GFPT2: variants seen among roughly 807,000 people sequenced by gnomAD.
GFPT2 encodes the protein glutamine--fructose-6-phosphate transaminase 2.
Under a neutral mutation model 85.6 loss-of-function variants are expected in GFPT2, and 62 were observed. The ratio of observed to expected loss-of-function variants is 0.72; its 90% CI spans 0.59 to 0.90. The LOEUF (loss-of-function observed/expected upper bound fraction) is 0.90. GFPT2 is among the 40% of genes least tolerant of loss of function. GFPT2 has a pLI of 0.00. For synonymous variants in GFPT2, 368 were observed against 344.5 expected (o/e 1.07, Z -0.75); for missense variants, 788 against 893.4 (o/e 0.88, Z 1.50).
In GFPT2 at chr5:180,318,268, T is replaced by C. The variant is rs947806561; in HGVS notation, c.958+525A>G. On this transcript the variant is annotated intron_variant, in intron 10 of 18. Transcript: ENST00000253778. This position sits in a 1 kb window ranked among gnomAD's most constrained non-coding sequence, Gnocchi z 4.2. ...GTGGGCTGTGGCAGGGAGTTTGGAT[T>C]TTATTCTAAGAACAGTAGGAAACCA... is the stretch of plus-strand genomic sequence containing the variant. 1.3e-5 allele frequency among the ~76,000 whole-genome samples: 2 copies of C among 151,884 alleles called. No individual in the cohort carries two copies. Among genetic ancestry groups the C allele is most frequent in the Non-Finnish European group, 2.9e-5 (2 of 67,968 alleles).
rs1443457163 is a variant in GFPT2, at chr5:180,353,274, G to GGGGCTCCTCCGT, written c.-69_-58dup. On this transcript the variant is annotated 5_prime_UTR_variant, in exon 1 of 19. Coordinates refer to ENST00000253778, the MANE Select transcript of GFPT2 (RefSeq NM_005110.4). The stretch of plus-strand genomic sequence containing the variant: ...GAGGGGGTCTGCCCGTTCGGACGCT[G>GGGGCTCCTCCGT]GGGCTCCTCCGTGGGCTCCTCCGTG... 1,368 of 1,231,700 alleles carry GGGGCTCCTCCGT rather than the reference G, an allele frequency of 1.1e-3. 34 individuals are homozygous for GGGGCTCCTCCGT. The East Asian group carries it at 0.035, about 32-fold the overall frequency. The allele number at this position is 1,231,700 out of a possible 1,614,324, so 76.3% of individuals were successfully genotyped here.
rs547812857 is a variant in GFPT2, at chr5:180,335,886, G to A, written c.282C>T (p.Ala94=). 1.9e-5 allele frequency: 30 copies of A among 1,584,182 alleles called. No individual in the cohort carries two copies. In the South Asian group the frequency reaches 3.0e-4, roughly 16 times the overall value. Residue 94 remains alanine, a synonymous_variant, in exon 4 of 19, where the codon GCC becomes GCT. Coordinates refer to ENST00000253778, the MANE Select transcript of GFPT2 (RefSeq NM_005110.4). ...TGACAGCACTGGGGACCCCGTGGGTGGCCCAGCGCGTGTGGGCAATGCCGA... is the reference window on the plus strand; with the variant it reads ...TGACAGCACTGGGGACCCCGTGGGTAGCCCAGCGCGTGTGGGCAATGCCGA... ...THFGIAHTRW[A]THGVPSAVNS...
chr5:180,302,675 G>GTA, intron 17 of GFPT2, 91 bp from the exon 18 acceptor site: 5 of 980,348 alleles, frequency 5.1e-6, no homozygotes, highest in Non-Finnish European at 6.2e-6. Context: ...ACATTACTGT[G>GTA]ATGAGAACAG....
At chr5:180,351,245 T>A (rs1174011113) in intron 1 of GFPT2, among the ~76,000 whole-genome samples, 1 of 152,234 alleles carries the variant, frequency 6.6e-6, no homozygotes, top group African/African-American at 2.4e-5. Flanking sequence ...TGCTGCTGCC[T>A]GCTCTGAGCC....
rs147784709 is a variant in GFPT2 at position 180,308,603 on chromosome 5, A to G, written c.1547-1300T>C. Reference sequence around the variant, plus strand: ...TGTGAATATTGTTCTTTGACACCACAGTACATCAAACTTGAGAAACAGTAG... The same window carrying G: ...TGTGAATATTGTTCTTTGACACCACGGTACATCAAACTTGAGAAACAGTAG... On this transcript the variant is annotated intron_variant, in intron 15 of 18. Coordinates refer to ENST00000253778, the MANE Select transcript of GFPT2 (RefSeq NM_005110.4). Among the ~76,000 whole-genome samples the G allele has an allele frequency of 9.6e-4, 147 of 152,356 alleles. No homozygotes were observed. The Middle Eastern group carries it at 0.02, about 21-fold the overall frequency.
chr5:180,335,688 G>A (rs1030133425), intron 4 of GFPT2, 140 bp downstream of exon 4: 4 of 872,152 alleles, frequency 4.6e-6, no homozygotes, highest in African/African-American at 1.8e-5. Flanking sequence ...TGGGAGAGGG[G>A]ACATCCGCAT....
rs941185696 is a variant in GFPT2, at chr5:180,330,617, T to G, written c.534+83A>C. On this transcript the variant is annotated intron_variant, in intron 6 of 18. Transcript: ENST00000253778. This position sits in a 1 kb window ranked among gnomAD's most constrained non-coding sequence, Gnocchi z 4.4. ...ACAAGGGCTTATAAAAAATGAAGGATTCCTTGGCACTTGCTGCTTGAAAAA... is the reference window on the plus strand; with the variant it reads ...ACAAGGGCTTATAAAAAATGAAGGAGTCCTTGGCACTTGCTGCTTGAAAAA... 11 of 1,158,894 alleles carry G rather than the reference T, an allele frequency of 9.5e-6. No individual in the cohort carries two copies. Among genetic ancestry groups the G allele is most frequent in the African/African-American group, 3.0e-5 (2 of 65,926 alleles). The allele number at this position is 1,158,894 out of a possible 1,614,324, so 71.8% of individuals were successfully genotyped here.
intron 1 of GFPT2, among the ~76,000 whole-genome samples, chr5:180,341,646 A>C (rs1764517849): frequency 6.6e-6 from 1 of 152,184 alleles, no homozygotes. Context: ...CTGAGCAGTT[A>C]CAGGCGTTTT....
intron 2 of GFPT2, among the ~76,000 whole-genome samples, chr5:180,337,675 C>G (rs1412139766): frequency 7.9e-6 from 1 of 127,032 alleles, no homozygotes; most frequent in African/African-American, 3.8e-5. Flanking sequence ...CTCACTGAGG[C>G]AGGGCTGACA....
chr5:180,303,224 C>A (rs149498673), intron 17 of GFPT2, among the ~76,000 whole-genome samples: 8,657 of 131,988 alleles, frequency 0.066, 767 homozygotes, highest in African/African-American at 0.22. Flanking sequence ...AGCCAGACTC[C>A]GTCACAAAAA....
At chr5:180,325,073 C>T (rs1161247337) in intron 7 of GFPT2, among the ~76,000 whole-genome samples, 178 bp from the exon 8 acceptor site, 1 of 152,136 alleles carries the variant, frequency 6.6e-6, no homozygotes, top group African/African-American at 2.4e-5. Flanking sequence ...CTCCTGAGTC[C>T]CAGGTCCCTG....
At chr5:180,305,790 G>C (rs115036916) in intron 16 of GFPT2, among the ~76,000 whole-genome samples, 5,364 of 152,208 alleles carry the variant, frequency 0.035, 133 homozygotes, top group Non-Finnish European at 0.053. Context: ...CCCAGGCCTT[G>C]CCTCTACTGC....
chr5:180,315,219 C>T (rs554223149), intron 13 of GFPT2, among the ~76,000 whole-genome samples: 30 of 151,530 alleles, frequency 2.0e-4, no homozygotes, highest in Admixed American at 8.6e-4. Context: ...GCTCTGTCGC[C>T]CAGGCTGGAG....
At position 180,324,233 on chromosome 5, in the gene GFPT2, G is replaced by C; in HGVS notation, c.749C>G (p.Ala250Gly). 6.2e-7 allele frequency: 1 copy of C among 1,612,122 alleles called. No homozygotes were observed. Among genetic ancestry groups the C allele is most frequent in the Non-Finnish European group, 8.5e-7 (1 of 1,178,320 alleles). Residue 250 changes from alanine to glycine, a missense_variant, in exon 9 of 19, where the codon GCT becomes GGT. Transcript: ENST00000253778. The part of the protein sequence containing the change: ...KRLDSSACLH[A>G]VGDKAVEFFF... ...GAATTCCACGGCCTTGTCGCCCACA[G>C]CATGCAGGCAGGCGGAGCTGTCCAG...
chr5:180,339,293 T>C (rs1479285522), intron 1 of GFPT2, among the ~76,000 whole-genome samples: 2 of 150,580 alleles, frequency 1.3e-5, no homozygotes, highest in African/African-American at 4.9e-5. Context: ...GGCAGGAGAA[T>C]TGCTTGAACC....
chr5:180,331,292 C>T (rs1764295284), intron 5 of GFPT2: 1 of 585,952 alleles, frequency 1.7e-6, no homozygotes, highest in Non-Finnish European at 3.0e-6. Flanking sequence ...GAGATAAACA[C>T]TAATGCCCTG....
intron 1 of GFPT2, among the ~76,000 whole-genome samples, chr5:180,348,488 C>T (rs571897649): frequency 6.6e-6 from 1 of 152,258 alleles, no homozygotes; most frequent in Non-Finnish European, 1.5e-5. Context: ...CTGGAGGTGC[C>T]GCGGATGCAT....
At chr5:180,319,056 A>G (rs935686098) in intron 9 of GFPT2, 100 bp from the exon 10 acceptor site, 2 of 1,069,064 alleles carry the variant, frequency 1.9e-6, no homozygotes, top group African/African-American at 1.5e-5. Context: ...CATCGTTGGC[A>G]TTTTAGGAGG....
chr5:180,332,431 C>G (rs1438812732), intron 4 of GFPT2, among the ~76,000 whole-genome samples: 2 of 152,212 alleles, frequency 1.3e-5, no homozygotes, highest in Non-Finnish European at 2.9e-5. Context: ...TCCCTATTAC[C>G]CTTGAGGTTC....
Sources: gnomAD v4.1 joint callset for allele counts (sites outside exome capture counted in the v4.1 genomes callset) on GRCh38, gnomAD v4.1.1 for gene constraint, Gnocchi (gnomAD v3.1) non-coding constraint, MANE v1.5 for transcripts, NCBI Gene and HGNC (gene_info 2026-07-23, HGNC 2026-07-21) for gene names.